Variants in JAG2 observed in about 807,000 individuals in gnomAD.
JAG2 encodes the protein jagged canonical Notch ligand 2.
In JAG2, 46 loss-of-function variants were observed where a neutral mutation model predicts 141.7. The ratio of observed to expected loss-of-function variants is 0.32; its 90% confidence interval spans 0.26 to 0.42. JAG2 has a LOEUF of 0.42. Ranked by LOEUF, JAG2 falls within the 10% of genes least tolerant of loss-of-function variation. The pLI is 1.00. For synonymous variants in JAG2, 862 were observed against 763.5 expected (o/e 1.13, Z -2.13); for missense variants, 1,500 against 1,817.5 (o/e 0.83, Z 3.18).
At chr14:105,152,417 A>AGCAGCCCCAGCCAGGCAGGGGTT in intron 5 of JAG2, 126 bp from the exon 6 acceptor site, 1 of 1,095,658 alleles carries the variant, frequency 9.1e-7, no homozygotes, top group East Asian at 2.6e-5. Context: ...TTTGAACTGG[A>AGCAGCCCCAGCCAGGCAGGGGTT]GCAGCCCCAG....
rs755552939 is a variant in JAG2, at chr14:105,167,179, G to C, written c.417+578C>G. Among the ~76,000 whole-genome samples the C allele has an allele frequency of 6.6e-6, 1 of 152,200 alleles. No individual in the cohort carries two copies. The highest frequency in any genetic ancestry group is 2.4e-5 in the African/African-American group (1 of 41,460). On this transcript the variant is annotated intron_variant, in intron 2 of 25. Transcript: ENST00000331782. This position sits in a 1 kb window ranked among gnomAD's most constrained non-coding sequence, Gnocchi z 4.8. ...CACAAACAGGGCAGTGCCACAGAAG[G>C]TCACTGCACCAGGATCCACTATCTC...
chr14:105,148,432 G>A lies in JAG2; in HGVS notation c.2028C>T (p.Asn676=), dbSNP rs144977985. The A allele has an allele frequency of 4.3e-6, 7 of 1,611,220 alleles. No homozygotes were observed. The highest frequency in any genetic ancestry group is 1.3e-5 in the African/African-American group (1 of 74,960). ...WEGELCDTNP[N]DCLPDPCHSR... ...TGTGGCAGGGATCGGGAAGGCAGTC[G>A]TTGGGATCTGGGGGCGAGGACGCCG... The change falls in exon 16 of 26, where the codon AAC becomes AAT. Residue 676 remains asparagine (N), a synonymous_variant. Transcript: ENST00000331782.
intron 23 of JAG2, 45 bp downstream of exon 23, chr14:105,145,686 C>T: frequency 6.4e-7 from 1 of 1,560,962 alleles, no homozygotes; most frequent in South Asian, 1.2e-5. Context: ...CGAGCAGATG[C>T]CGGCGTGTGG....
chr14:105,157,771 C>T lies in JAG2; in HGVS notation c.418-8G>A. The T allele has an allele frequency of 6.4e-7, 1 of 1,572,752 alleles. No homozygotes were observed. On this transcript the variant is annotated splice_region_variant and splice_polypyrimidine_tract_variant and intron_variant, in intron 2 of 25. Transcript: ENST00000331782. Reference sequence around the variant, plus strand: ...GATGAGGGTAAAGGAGCGCTGCAGACATGGGGAGGCGGGTCAGGTACCTGA... The same window carrying T: ...GATGAGGGTAAAGGAGCGCTGCAGATATGGGGAGGCGGGTCAGGTACCTGA...
chr14:105,157,806 T>G (rs1309817413), intron 2 of JAG2, 43 bp from the exon 3 acceptor site: 3 of 1,522,110 alleles, frequency 2.0e-6, no homozygotes, highest in Non-Finnish European at 2.7e-6. Flanking sequence ...AGGCCACACC[T>G]GCCTGCCTCG....
intron 12 of JAG2, 74 bp downstream of exon 12, chr14:105,150,530 C>T: frequency 2.8e-6 from 4 of 1,437,002 alleles, no homozygotes; most frequent in Non-Finnish European, 3.7e-6. Context: ...ACTCAGGCCC[C>T]ATGGTCAGGG....
rs2140973907 is a variant in JAG2, at chr14:105,147,753, A to C, written c.2365+19T>G. Reference sequence around the variant, plus strand: ...GGGTGGAGGAAAGCGGCCCCCGCCCACACCCCTCCCACACTCACTGTGAGT... The same window carrying C: ...GGGTGGAGGAAAGCGGCCCCCGCCCCCACCCCTCCCACACTCACTGTGAGT... On this transcript the variant is annotated intron_variant, in intron 18 of 25. Coordinates refer to ENST00000331782, the MANE Select transcript of JAG2 (RefSeq NM_002226.5). 11 of 1,460,990 alleles carry C rather than the reference A, an allele frequency of 7.5e-6. No homozygotes were observed. The highest frequency in any genetic ancestry group is 2.8e-5 in the African/African-American group (2 of 71,276). 90.5% of individuals were successfully genotyped at this position (1,460,990 alleles called of 1,614,324 possible).
chr14:105,165,851 C>T (rs895569758), intron 2 of JAG2, among the ~76,000 whole-genome samples: 13 of 152,270 alleles, frequency 8.5e-5, no homozygotes, highest in African/African-American at 2.9e-4. Flanking sequence ...AGCCTGAACT[C>T]GGTCCTTGCC....
Position 105,168,359 on chromosome 14 carries a change from A to G in JAG2, c.62T>C (p.Val21Ala). ...RRLLLLLALW[V>A]QAARPMGYFE... is the part of the protein sequence containing the mutation. ...CGCCCCCGCCGCCCCGCTCACCTGC[A>G]CCCAGAGCGCCAGCAGCAGCAGCAG... Residue 21 changes from valine to alanine, a missense_variant, in exon 1 of 26, where the codon GTG (valine) becomes GCG (alanine). Val to Ala is a moderately conservative substitution (Grantham distance 64). This residue lies in a region of JAG2 where 200 missense variants were observed against 174.3 expected (regional missense o/e 1.15). Transcript: ENST00000331782. The G allele has an allele frequency of 1.1e-6, 1 of 932,894 alleles. No homozygotes were observed. Among genetic ancestry groups the G allele is most frequent in the South Asian group, 2.5e-5 (1 of 40,314 alleles). The allele number at this position is 932,894 out of a possible 1,614,324, so 57.8% of individuals were successfully genotyped here. A position where few individuals can be genotyped will look rare whatever the true frequency, so the allele number is the denominator to read the frequency against.
chr14:105,145,603 C>G, intron 23 of JAG2, 128 bp downstream of exon 23: 1 of 1,241,782 alleles, frequency 8.1e-7, no homozygotes, highest in Non-Finnish European at 1.1e-6. Flanking sequence ...GGGCCACTCT[C>G]TGTGACCAAG....
intron 3 of JAG2, among the ~76,000 whole-genome samples, 157 bp downstream of exon 3, chr14:105,157,549 G>A (rs1311050577): frequency 2.0e-5 from 3 of 152,158 alleles, no homozygotes; most frequent in South Asian, 2.1e-4. Flanking sequence ...AGTCCCAAAC[G>A]TGGCAGAGCT....
chr14:105,151,065 A>G lies in JAG2; in HGVS notation c.1307T>C (p.Phe436Ser). The G allele has an allele frequency of 6.2e-7, 1 of 1,613,348 alleles. No individual in the cohort carries two copies. The highest frequency in any genetic ancestry group is 2.2e-5 in the East Asian group (1 of 44,878). The change falls in exon 10 of 26, where the codon TTT (phenylalanine) becomes TCT (serine). Residue 436 changes from phenylalanine to serine, a missense_variant. Phe to Ser is a radical substitution (Grantham distance 155, BLOSUM62 -2). Transcript: ENST00000331782. Reference sequence around the variant, plus strand: ...GCCGCCAATCAGGTTTTTGCAAGAAAAAGCGTTAAGGCATGGCTTCCCTTC... The same window carrying G: ...GCCGCCAATCAGGTTTTTGCAAGAAGAAGCGTTAAGGCATGGCTTCCCTTC... ...ECEGKPCLNA[F>S]SCKNLIGGYY...
chr14:105,157,721 C>G lies in JAG2; in HGVS notation c.460G>C (p.Asp154His). 6.4e-7 allele frequency: 1 copy of G among 1,570,770 alleles called. No individual in the cohort carries two copies. The highest frequency in any genetic ancestry group is 2.4e-5 in the East Asian group (1 of 42,116). ...GCTCACTCACCATTCGGGGTGGTAT[C>G]GTTGTCCCAGTCCCAGGCCTCCACG... The part of the protein sequence containing the change: ...LIVEAWDWDN[D>H]TTPNEELLIE... The change falls in exon 3 of 26, where the codon GAT becomes CAT. Residue 154 changes from aspartate (D) to histidine (H), a missense_variant. Asp to His is a moderately conservative substitution (Grantham distance 81). Coordinates refer to ENST00000331782, the MANE Select transcript of JAG2 (RefSeq NM_002226.5).
In JAG2 at chr14:105,151,195, AGCAGCCCCAGCAGCCCCC is replaced by A. The variant is rs1277534747; in HGVS notation, c.1267+70_1267+87del. 1,660 of 1,469,356 alleles carry A rather than the reference AGCAGCCCCAGCAGCCCCC, an allele frequency of 1.1e-3. 12 individuals carry two copies. Among genetic ancestry groups the A allele is most frequent in the African/African-American group, 7.4e-3 (511 of 68,784 alleles). 91.0% of individuals were successfully genotyped at this position (1,469,356 alleles called of 1,614,324 possible). A position where few individuals can be genotyped will look rare whatever the true frequency, so the allele number is the denominator to read the frequency against. Reference sequence around the variant, plus strand: ...CTGGCACCCGCAGCCCAGCAGCCCCAGCAGCCCCAGCAGCCCCCGCAGCCCCAGCAGCCCCCGCAGCCC... The same window carrying A: ...CTGGCACCCGCAGCCCAGCAGCCCCAGCAGCCCCAGCAGCCCCCGCAGCCC... On this transcript the variant is annotated intron_variant, in intron 9 of 25. Transcript: ENST00000331782.
intron 20 of JAG2, 128 bp from the exon 21 acceptor site, chr14:105,146,852 G>A: frequency 1.3e-6 from 1 of 787,194 alleles, no homozygotes; most frequent in Non-Finnish European, 2.2e-6. Flanking sequence ...AGCAGCCCCT[G>A]CCCCCGAGCC....
intron 2 of JAG2, among the ~76,000 whole-genome samples, chr14:105,162,191 G>A (rs587761598): frequency 5.9e-5 from 9 of 152,138 alleles, no homozygotes; most frequent in Admixed American, 1.3e-4. Flanking sequence ...GCCTAGCAGG[G>A]CTATGCCCCT....
rs1431648133 is a variant in JAG2 at position 105,167,486 on chromosome 14, G to A, written c.417+271C>T. On this transcript the variant is annotated intron_variant, in intron 2 of 25. Transcript: ENST00000331782. This position sits in a 1 kb window ranked among gnomAD's most constrained non-coding sequence, Gnocchi z 4.8. Reference sequence around the variant, plus strand: ...AGACAGACACGCGCAGGGCGACGCAGGCACACGCCGCACACCGCCGCGCAC... The same window carrying A: ...AGACAGACACGCGCAGGGCGACGCAAGCACACGCCGCACACCGCCGCGCAC... Among the ~76,000 whole-genome samples the A allele has an allele frequency of 6.6e-6, 1 of 150,712 alleles. No homozygotes were observed. Among genetic ancestry groups the A allele is most frequent in the African/African-American group, 2.4e-5 (1 of 41,212 alleles).
At position 105,150,897 on chromosome 14, in the gene JAG2, G is replaced by A. The variant is rs1402048628; in HGVS notation, c.1396C>T (p.Arg466Cys). The A allele has an allele frequency of 3.8e-6, 6 of 1,591,164 alleles. No individual in the cohort carries two copies. Among genetic ancestry groups the A allele is most frequent in the South Asian group, 1.1e-5 (1 of 88,138 alleles). The change falls in exon 11 of 26, where the codon CGC becomes TGC. Residue 466 changes from arginine to cysteine, a missense_variant. This residue lies in a region of JAG2 where 875 missense variants were observed against 1,202.2 expected (regional missense o/e 0.73). Coordinates refer to ENST00000331782, the MANE Select transcript of JAG2 (RefSeq NM_002226.5). ...INCHINVNDC[R>C]GQCQHGGTCK... ...GTGCCCCCATGCTGACACTGCCCGC[G>A]ACAGTCGTTGACGTCTGGGGGCAGA...
rs1285667117 is a variant in JAG2 at position 105,154,687 on chromosome 14, G to A, written c.788+875C>T. 1.3e-5 allele frequency among the ~76,000 whole-genome samples: 2 copies of A among 151,950 alleles called. No individual in the cohort carries two copies. Among genetic ancestry groups the A allele is most frequent in the African/African-American group, 2.4e-5 (1 of 41,348 alleles). ...CTGCCTTCCCCACTTTCCCGTCACC[G>A]CCTGAATGCCACCCCCCACAGGCCC... On this transcript the variant is annotated intron_variant, in intron 5 of 25. Transcript: ENST00000331782. The surrounding 1 kb of genome is among the most constrained non-coding windows in gnomAD (Gnocchi z 4.4).
Sources: allele counts gnomAD v4.1 joint callset (sites outside exome capture counted in the v4.1 genomes callset), GRCh38; gene constraint gnomAD v4.1.1; regional missense constraint gnomAD v4.1.1; non-coding constraint Gnocchi (gnomAD v3.1); transcripts MANE v1.5; gene names NCBI Gene and HGNC (gene_info 2026-07-23, HGNC 2026-07-21).